The following OCSTAMP variants were observed in gnomAD, a reference collection of about 807,000 sequenced individuals.
The protein encoded by OCSTAMP is transmembrane protein C20orf123.
A neutral mutation model predicts 25.2 loss-of-function variants in OCSTAMP; 17 were observed. The ratio of observed to expected loss-of-function variants is 0.68; its 90% CI spans 0.46 to 1.01. OCSTAMP has a LOEUF of 1.01. Among genes scored for constraint, OCSTAMP ranks in the 50% least tolerant of loss-of-function variants. The probability of loss-of-function intolerance (pLI) is 0.00; values close to 1 mark genes in which losing one functional copy is unlikely to be tolerated. For synonymous variants in OCSTAMP, 345 were observed against 318.9 expected, an observed-to-expected ratio of 1.08 and a Z score of -0.87; for missense variants, 664 against 694.6, an observed-to-expected ratio of 0.96 and a Z score of 0.50.
In OCSTAMP at chr20:46,541,659, G is replaced by A; in HGVS notation, c.1316C>T (p.Ala439Val). 1.3e-6 allele frequency: 2 copies of A among 1,550,722 alleles called. No homozygotes were observed. Among genetic ancestry groups the A allele is most frequent in the Non-Finnish European group, 1.7e-6 (2 of 1,146,972 alleles). Residue 439 changes from alanine to valine, a missense_variant, in exon 3 of 3, where the codon GCG (alanine) becomes GTG (valine). Transcript: ENST00000279028. ...IAASFFTAQE[A>V]RRVRHLHARL... Reference sequence around the variant, plus strand: ...GGCGTGCAGGTGGCGGACCCTCCTCGCCTCCTGGGCTGTGAAGAAGGAAGC... The same window carrying A: ...GGCGTGCAGGTGGCGGACCCTCCTCACCTCCTGGGCTGTGAAGAAGGAAGC...
intron 1 of OCSTAMP, among the ~76,000 whole-genome samples, chr20:46,547,204 G>A (rs1200495962): frequency 6.6e-6 from 1 of 152,158 alleles, no homozygotes; most frequent in Admixed American, 6.5e-5. Context: ...GAGGGGGAGA[G>A]AGGAGGAATT....
chr20:46,544,745 T>C (rs773019178), intron 2 of OCSTAMP, among the ~76,000 whole-genome samples: 4 of 152,178 alleles, frequency 2.6e-5, no homozygotes, highest in Non-Finnish European at 4.4e-5. Flanking sequence ...CCACAGACAA[T>C]ATATTGACAA....
In OCSTAMP at chr20:46,541,323, C is replaced by T. The variant is rs918774763; in HGVS notation, c.1652G>A (p.Arg551Lys). 6 of 739,610 alleles carry T rather than the reference C, an allele frequency of 8.1e-6. No individual in the cohort carries two copies. Among genetic ancestry groups the T allele is most frequent in the Non-Finnish European group, 1.5e-5 (6 of 404,516 alleles). The allele number at this position is 739,610 out of a possible 1,614,324, so 45.8% of individuals were successfully genotyped here. The change falls in exon 3 of 3, where the codon AGG becomes AAG. Residue 551 changes from arginine to lysine, a missense_variant. Physicochemically the swap from Arg to Lys is conservative, Grantham distance 26. Transcript: ENST00000279028. ...FTIDVTYFPRRDVVRMEGNTG... is the reference protein window; with the variant it reads ...FTIDVTYFPRKDVVRMEGNTG... ...ATTTCCTTCCATCCTGACCACATCC[C>T]TGCGTGGGAAGTAGGTCACATCAAT...
chr20:46,541,810 A>T lies in OCSTAMP; in HGVS notation c.1165T>A (p.Cys389Ser). 6.7e-7 allele frequency: 1 copy of T among 1,483,420 alleles called. No individual in the cohort carries two copies. Among genetic ancestry groups the T allele is most frequent in the South Asian group, 1.4e-5 (1 of 70,842 alleles). 91.9% of individuals were successfully genotyped at this position (1,483,420 alleles called of 1,614,324 possible). A position where few individuals can be genotyped will look rare whatever the true frequency, so the allele number is the denominator to read the frequency against. The change falls in exon 3 of 3, where the codon TGC (cysteine) becomes AGC (serine). Residue 389 changes from cysteine to serine, a missense_variant. Physicochemically the swap from Cys to Ser is moderately radical, Grantham distance 112 (BLOSUM62 -1). Coordinates refer to ENST00000279028, the MANE Select transcript of OCSTAMP (RefSeq NM_080721.3). ...QWELRLTSAR[C>S]PLLPARRPRA... ...GGACGCCGGGCGGGTAGCAGTGGGC[A>T]GCGGGCGGAGGTGAGGCGGAGCTCC...
chr20:46,549,499 G>A (rs1404826356), intron 1 of OCSTAMP, among the ~76,000 whole-genome samples: 3 of 152,172 alleles, frequency 2.0e-5, no homozygotes. Flanking sequence ...CCTGGACTGG[G>A]GTGGGATAGA....
rs1054020450 is a variant in OCSTAMP, at chr20:46,541,763, G to A, written c.1212C>T (p.Ala404=). ...CCGCCAGGAGCTGCAGGGCCCCCGC[G>A]GCCAGCGGGGCAGCTGCGCGGGGAC... is the stretch of plus-strand genomic sequence containing the variant. ...ARRPRAAAPL[A]AGALQLLAGS... The change falls in exon 3 of 3, where the codon GCC becomes GCT. Residue 404 remains alanine, a synonymous_variant. Transcript: ENST00000279028. 9.8e-6 allele frequency: 15 copies of A among 1,531,534 alleles called. No homozygotes were observed. Among genetic ancestry groups the A allele is most frequent in the South Asian group, 3.7e-5 (3 of 81,644 alleles). The allele number at this position is 1,531,534 out of a possible 1,614,324, so 94.9% of individuals were successfully genotyped here. A position where few individuals can be genotyped will look rare whatever the true frequency, so the allele number is the denominator to read the frequency against.
rs1022792048 is a variant in OCSTAMP, at chr20:46,546,268, C to T, written c.106G>A (p.Ala36Thr). The T allele has an allele frequency of 4.5e-5, 69 of 1,550,532 alleles. No homozygotes were observed. The highest frequency in any genetic ancestry group is 5.5e-5 in the Non-Finnish European group (63 of 1,146,940). Residue 36 changes from alanine to threonine, a missense_variant, in exon 2 of 3, where the codon GCC becomes ACC. Transcript: ENST00000279028. ...ALAPLQAAWD[A>T]FSQPVPASCG... ...CTGGCTGGAACAGGCTGGGAGAAGG[C>T]GTCCCAGGCAGCCTGCAGTGGGGCA...
chr20:46,544,177 C>A (rs1034454320), intron 2 of OCSTAMP, among the ~76,000 whole-genome samples: 1 of 152,202 alleles, frequency 6.6e-6, no homozygotes, highest in Non-Finnish European at 1.5e-5. Flanking sequence ...TGTGATTGCA[C>A]CACTGCACCA....
At chr20:46,543,618 G>A (rs989270618) in intron 2 of OCSTAMP, among the ~76,000 whole-genome samples, 18 of 152,114 alleles carry the variant, frequency 1.2e-4, no homozygotes, top group African/African-American at 3.9e-4. Flanking sequence ...AGATAGGCAT[G>A]AGCCTCCATG....
chr20:46,544,078 G>T lies in OCSTAMP; in HGVS notation c.1047+1249C>A, dbSNP rs1405833688. 2.0e-5 allele frequency among the ~76,000 whole-genome samples: 3 copies of T among 152,150 alleles called. No individual in the cohort carries two copies. The East Asian group carries it at 5.8e-4, about 29-fold the overall frequency. On this transcript the variant is annotated intron_variant, in intron 2 of 2. Transcript: ENST00000279028. Reference sequence around the variant, plus strand: ...ATTAAAAATTAACTGGGTGGTGGTGGTGCATGCCTGTAGTCTCAGCTACTT... The same window carrying T: ...ATTAAAAATTAACTGGGTGGTGGTGTTGCATGCCTGTAGTCTCAGCTACTT...
chr20:46,550,467 T>C (rs1205857926), intron 1 of OCSTAMP, 50 bp downstream of exon 1: 1 of 1,516,110 alleles, frequency 6.6e-7, no homozygotes, highest in Non-Finnish European at 9.0e-7. Context: ...CCCCAATGGC[T>C]GACTGTTTTC....
In OCSTAMP at chr20:46,546,018, C is replaced by T. The variant is rs558097811; in HGVS notation, c.356G>A (p.Arg119His). Reference sequence around the variant, plus strand: ...AGTGCTGTAGGACAGGAGCAGCCGGCGGCCCTGCTCCATACCCAGGGTGGG... The same window carrying T: ...AGTGCTGTAGGACAGGAGCAGCCGGTGGCCCTGCTCCATACCCAGGGTGGG... ...SVPTLGMEQGRRLLLSYSTAT... is the reference protein window; with the variant it reads ...SVPTLGMEQGHRLLLSYSTAT... The change falls in exon 2 of 3, where the codon CGC becomes CAC. Residue 119 changes from arginine to histidine, a missense_variant. Transcript: ENST00000279028. 17 of 1,551,336 alleles carry T rather than the reference C, an allele frequency of 1.1e-5. No homozygotes were observed. In the East Asian group the frequency reaches 3.2e-4, roughly 29 times the overall value.
At chr20:46,543,245 T>C (rs2061840381) in intron 2 of OCSTAMP, among the ~76,000 whole-genome samples, 1 of 151,542 alleles carries the variant, frequency 6.6e-6, no homozygotes, top group Non-Finnish European at 1.5e-5. Context: ...TCTTTCTTTC[T>C]TTCTTTCTTT....
At chr20:46,542,059 T>C (rs775439318) in intron 2 of OCSTAMP, 132 bp from the exon 3 acceptor site, 7 of 1,304,722 alleles carry the variant, frequency 5.4e-6, no homozygotes, top group East Asian at 2.9e-5. Context: ...TTCCCAGGGT[T>C]TGAGGAGGAC....
chr20:46,541,916 A>G lies in OCSTAMP; in HGVS notation c.1059T>C (p.Thr353=). ...TLTVKYDVAY[T]VLGFIPFLFN... ...AGAGGAAAGGGATGAAGCCCAGGAC[A>G]GTGTATGCCACCTTGGGAAAGGAGA... The change falls in exon 3 of 3, where the codon ACT becomes ACC. Residue 353 remains threonine, a synonymous_variant. Coordinates refer to ENST00000279028, the MANE Select transcript of OCSTAMP (RefSeq NM_080721.3). The G allele has an allele frequency of 7.0e-7, 1 of 1,431,446 alleles. No homozygotes were observed. Among genetic ancestry groups the G allele is most frequent in the East Asian group, 2.6e-5 (1 of 37,910 alleles). 88.7% of individuals were successfully genotyped at this position (1,431,446 alleles called of 1,614,324 possible).
rs1306978688 is a variant in OCSTAMP, at chr20:46,545,951, G to A, written c.423C>T (p.Asn141=). The A allele has an allele frequency of 1.5e-5, 24 of 1,551,394 alleles. No homozygotes were observed. The highest frequency in any genetic ancestry group is 4.9e-5 in the East Asian group (2 of 40,920). Residue 141 remains asparagine, a synonymous_variant, in exon 2 of 3, where the codon AAC becomes AAT. Coordinates refer to ENST00000279028, the MANE Select transcript of OCSTAMP (RefSeq NM_080721.3). ...TCAGCACCTGCCCGGCCGCACCCACGTTGGCCAGGACGTTGGGCACCACAG... is the reference window on the plus strand; with the variant it reads ...TCAGCACCTGCCCGGCCGCACCCACATTGGCCAGGACGTTGGGCACCACAG... ...AIAVVPNVLA[N]VGAAGQVLRC...
chr20:46,546,879 T>C lies in OCSTAMP; in HGVS notation c.45-550A>G, dbSNP rs74674245. Among the ~76,000 whole-genome samples the C allele has an allele frequency of 5.8e-3, 881 of 152,324 alleles. 10 individuals carry two copies. Among genetic ancestry groups the C allele is most frequent in the African/African-American group, 0.02 (838 of 41,556 alleles). ...TATATTCTATCATCCTTATATTTAT[T>C]CATTCAACAAGTGTTTATCAAGCAA... On this transcript the variant is annotated intron_variant, in intron 1 of 2. Transcript: ENST00000279028.
In OCSTAMP at chr20:46,545,312, C is replaced by A; in HGVS notation, c.1047+15G>T. On this transcript the variant is annotated intron_variant, in intron 2 of 2. Coordinates refer to ENST00000279028, the MANE Select transcript of OCSTAMP (RefSeq NM_080721.3). The stretch of plus-strand genomic sequence containing the variant: ...AAACAATGACTCCCTTCCCTTTTCC[C>A]ATCATCACACTTACATCATACTTGA... 1 of 1,448,482 alleles carries A rather than the reference C, an allele frequency of 6.9e-7. No individual in the cohort carries two copies. Among genetic ancestry groups the A allele is most frequent in the South Asian group, 1.5e-5 (1 of 68,004 alleles). 89.7% of individuals were successfully genotyped at this position (1,448,482 alleles called of 1,614,324 possible).
In OCSTAMP at chr20:46,546,272, C is replaced by T. The variant is rs1454770580; in HGVS notation, c.102G>A (p.Trp34Ter). The T allele has an allele frequency of 1.3e-6, 2 of 1,550,460 alleles. No individual in the cohort carries two copies. The highest frequency in any genetic ancestry group is 8.7e-7 in the Non-Finnish European group (1 of 1,146,942). Reference sequence around the variant, plus strand: ...CTGGAACAGGCTGGGAGAAGGCGTCCCAGGCAGCCTGCAGTGGGGCAAGGG... The same window carrying T: ...CTGGAACAGGCTGGGAGAAGGCGTCTCAGGCAGCCTGCAGTGGGGCAAGGG... ...WKALAPLQAA[W>*]DAFSQPVPAS... is the part of the protein sequence containing the mutation. The change falls in exon 2 of 3, where the codon TGG becomes TGA. Residue 34 changes from tryptophan (W) to a stop codon, truncating the protein, a stop_gained. Transcript: ENST00000279028. LOFTEE classifies it high-confidence loss of function.
Sources: gnomAD v4.1 joint callset for allele counts (sites outside exome capture counted in the v4.1 genomes callset) on GRCh38, gnomAD v4.1.1 for gene constraint, MANE v1.5 for transcripts, NCBI Gene and HGNC (gene_info 2026-07-23, HGNC 2026-07-21) for gene names.